GCH1: variants seen among roughly 807,000 people sequenced by gnomAD.
The protein encoded by GCH1 is GTP cyclohydrolase I.
Under a neutral mutation model 25.9 loss-of-function variants are expected in GCH1, and 5 were observed. The ratio of observed to expected loss-of-function variants is 0.19; its 90% confidence interval spans 0.10 to 0.41. GCH1 has a LOEUF of 0.41. GCH1 is among the 10% of genes least tolerant of loss of function. GCH1 has a pLI of 1.00. For synonymous variants in GCH1, 159 were observed against 129.6 expected (o/e 1.23, Z -1.54); for missense variants, 261 against 336.5 (o/e 0.78, Z 1.75).
Position 54,843,550 on chromosome 14 carries a change from T to C in GCH1, c.*467A>G. The C allele has an allele frequency of 7.3e-7, 1 of 1,363,290 alleles. No individual in the cohort carries two copies. The highest frequency in any genetic ancestry group is 9.4e-7 in the Non-Finnish European group (1 of 1,058,700). 84.4% of individuals were successfully genotyped at this position (1,363,290 alleles called of 1,614,324 possible). A position where few individuals can be genotyped will look rare whatever the true frequency, so the allele number is the denominator to read the frequency against. On this transcript the variant is annotated 3_prime_UTR_variant, in exon 6 of 6. Coordinates refer to ENST00000491895, the MANE Select transcript of GCH1 (RefSeq NM_000161.3). ...ATAAACATGACCAAAGTGAAGTCTG[T>C]TGAACTTGAATTCACAGAGCAATAC...
At chr14:54,890,325 C>A (rs2040407775) in intron 1 of GCH1, among the ~76,000 whole-genome samples, 1 of 152,190 alleles carries the variant, frequency 6.6e-6, no homozygotes. Context: ...CGGAGAAACC[C>A]CATCTCTATT....
intron 3 of GCH1, among the ~76,000 whole-genome samples, chr14:54,854,500 T>C (rs190783712): frequency 1.3e-5 from 2 of 151,962 alleles, no homozygotes; most frequent in South Asian, 2.1e-4. Flanking sequence ...TTAAATATAA[T>C]AATGTGGCCA....
intron 1 of GCH1, among the ~76,000 whole-genome samples, chr14:54,898,333 A>G (rs959220042): frequency 2.6e-5 from 4 of 152,222 alleles, no homozygotes; most frequent in Admixed American, 2.6e-4. Context: ...TTACCATGAA[A>G]GGAGCTTGCA....
chr14:54,864,931 A>G (rs1376969198), intron 2 of GCH1, among the ~76,000 whole-genome samples: 2 of 152,136 alleles, frequency 1.3e-5, no homozygotes, highest in Admixed American at 6.5e-5. Context: ...CCATACATAC[A>G]TATCTATCTT....
At chr14:54,871,117 C>G (rs558222104) in intron 1 of GCH1, among the ~76,000 whole-genome samples, 1 of 152,216 alleles carries the variant, frequency 6.6e-6, no homozygotes, top group Non-Finnish European at 1.5e-5. Context: ...CAGACTGACA[C>G]CTCACACAGC....
chr14:54,862,259 G>T (rs955779618), intron 2 of GCH1, among the ~76,000 whole-genome samples: 2 of 151,702 alleles, frequency 1.3e-5, no homozygotes, highest in Non-Finnish European at 2.9e-5. Flanking sequence ...TTGAACTATT[G>T]ACCTGAAGCT....
At chr14:54,892,174 A>C (rs998699852) in intron 1 of GCH1, among the ~76,000 whole-genome samples, 6 of 152,158 alleles carry the variant, frequency 3.9e-5, no homozygotes, top group African/African-American at 1.4e-4. Flanking sequence ...GTAAGTGCTT[A>C]GTTAAGATGG....
chr14:54,859,613 T>TA, intron 3 of GCH1, 68 bp downstream of exon 3: 2 of 862,150 alleles, frequency 2.3e-6, no homozygotes, highest in Non-Finnish European at 4.1e-6. Context: ...CCTGATGAGA[T>TA]AGATTCTCAG....
At chr14:54,886,529 G>A (rs189956186) in intron 1 of GCH1, among the ~76,000 whole-genome samples, 9 of 152,242 alleles carry the variant, frequency 5.9e-5, no homozygotes, top group Admixed American at 3.9e-4. Context: ...GGAGAATGGC[G>A]TGAACCCGGG....
At chr14:54,890,726 A>G (rs887248431) in intron 1 of GCH1, among the ~76,000 whole-genome samples, 10 of 152,234 alleles carry the variant, frequency 6.6e-5, no homozygotes, top group Admixed American at 5.9e-4. Flanking sequence ...TATGAATGTT[A>G]GTGTATGCCT....
intron 2 of GCH1, among the ~76,000 whole-genome samples, chr14:54,862,920 G>A (rs914246256): frequency 7.2e-5 from 11 of 151,990 alleles, no homozygotes; most frequent in African/African-American, 2.7e-4. Context: ...TTATGGGTGG[G>A]AGCACTATTT....
chr14:54,858,861 C>T (rs1018418397), intron 3 of GCH1, among the ~76,000 whole-genome samples: 2 of 152,122 alleles, frequency 1.3e-5, no homozygotes, highest in Admixed American at 1.3e-4. Context: ...AACACAAACC[C>T]CCATGTTGAC....
At chr14:54,862,378 TC>T (rs201003716) in intron 2 of GCH1, among the ~76,000 whole-genome samples, 8,047 of 86,328 alleles carry the variant, frequency 0.093, 349 homozygotes, top group Non-Finnish European at 0.12. Context: ...GAAGCACTAC[TC>T]TTTTTTTTTT....
chr14:54,902,637 C>A lies in GCH1; in HGVS notation c.27G>T (p.Pro9=), dbSNP rs1361472755. The A allele has an allele frequency of 2.0e-6, 3 of 1,483,912 alleles. No homozygotes were observed. The African/African-American group carries it at 4.4e-5, about 22-fold the overall frequency. 91.9% of individuals were successfully genotyped at this position (1,483,912 alleles called of 1,614,324 possible). A position where few individuals can be genotyped will look rare whatever the true frequency, so the allele number is the denominator to read the frequency against. ...ACCTGGCGCCCCGCGGCTTCTCCGCCGGTGCCCGCACAGGGCCCTTCTCCA... is the reference window on the plus strand; with the variant it reads ...ACCTGGCGCCCCGCGGCTTCTCCGCAGGTGCCCGCACAGGGCCCTTCTCCA... MEKGPVRA[P]AEKPRGARCS... Residue 9 remains proline (P), a synonymous_variant, in exon 1 of 6, where the codon CCG becomes CCT. Transcript: ENST00000491895.
At chr14:54,887,925 T>C (rs2040373861) in intron 1 of GCH1, among the ~76,000 whole-genome samples, 1 of 152,214 alleles carries the variant, frequency 6.6e-6, no homozygotes, top group African/African-American at 2.4e-5. Context: ...TATTAGTTTT[T>C]TCGGTATTAC....
rs1357623643 is a variant in GCH1 at position 54,871,338 on chromosome 14, TC to T, written c.344-5903del. 5.9e-5 allele frequency among the ~76,000 whole-genome samples: 9 copies of T among 151,614 alleles called. No individual in the cohort carries two copies. In the East Asian group the frequency reaches 1.7e-3, roughly 29 times the overall value. On this transcript the variant is annotated intron_variant, in intron 1 of 5. Transcript: ENST00000491895. ...AACAAAAAAGACATCCACACCAAAA[TC>T]CCATCTGTACATCACCATCATCAAA... is the stretch of plus-strand genomic sequence containing the variant.
Position 54,898,128 on chromosome 14 carries a change from C to T in GCH1, c.343+4193G>A, listed in dbSNP as rs143975497. On this transcript the variant is annotated intron_variant, in intron 1 of 5. Coordinates refer to ENST00000491895, the MANE Select transcript of GCH1 (RefSeq NM_000161.3). ...GGTGGGATAGCTCATGCCTGTAATCCCAGCACTTTGGGAGACCAAGAGGAG... is the reference window on the plus strand; with the variant it reads ...GGTGGGATAGCTCATGCCTGTAATCTCAGCACTTTGGGAGACCAAGAGGAG... 9.6e-3 allele frequency among the ~76,000 whole-genome samples: 1,466 copies of T among 152,224 alleles called. 28 individuals carry two copies. The highest frequency in any genetic ancestry group is 0.033 in the African/African-American group (1,375 of 41,540).
chr14:54,847,174 A>T (rs2039656060), intron 3 of GCH1, 44 bp from the exon 4 acceptor site: 2 of 793,996 alleles, frequency 2.5e-6, no homozygotes, highest in African/African-American at 1.7e-5. Context: ...AATCATTTGA[A>T]GTAAAATTGA....
intron 1 of GCH1, among the ~76,000 whole-genome samples, chr14:54,892,121 G>A (rs544163352): frequency 6.6e-6 from 1 of 152,286 alleles, no homozygotes; most frequent in Non-Finnish European, 1.5e-5. Flanking sequence ...TGCTAGTATT[G>A]TTATTGTACT....
Sources: allele counts gnomAD v4.1 joint callset (sites outside exome capture counted in the v4.1 genomes callset), GRCh38; gene constraint gnomAD v4.1.1; transcripts MANE v1.5; gene names NCBI Gene and HGNC (gene_info 2026-07-23, HGNC 2026-07-21).